MCPH1: variants seen among roughly 807,000 people sequenced by gnomAD.
MCPH1 encodes microcephalin 1.
MCPH1 carries 104 observed loss-of-function variants against 84.5 expected under a neutral mutation model. That is an observed-to-expected ratio of 1.23 (90% CI 1.05 to 1.45). The LOEUF (loss-of-function observed/expected upper bound fraction) is 1.45, where lower values mean the gene tolerates loss of function less well. MCPH1 is among the 40% of genes most tolerant of loss of function. The pLI is 0.00. For missense variants in MCPH1, 1,498 were observed against 1,005.7 expected, an observed-to-expected ratio of 1.49 and a Z score of -6.62; for synonymous variants, 514 against 366.8, an observed-to-expected ratio of 1.40 and a Z score of -4.58.
At chr8:6,505,347 TATTCTTTCTATATGTATATAGA>T in intron 12 of MCPH1, among the ~76,000 whole-genome samples, 2 of 69,312 alleles carry the variant, frequency 2.9e-5, no homozygotes, top group East Asian at 6.0e-4. Flanking sequence ...AGAATATATA[TATTCTTTCTATATGTATATAGA>T]ATATATATAT....
intron 12 of MCPH1, among the ~76,000 whole-genome samples, chr8:6,594,564 G>A (rs991193483): frequency 6.6e-6 from 1 of 152,242 alleles, no homozygotes; most frequent in South Asian, 2.1e-4. Context: ...ATGTTGCTGA[G>A]GGCGTCCTGG....
intron 12 of MCPH1, among the ~76,000 whole-genome samples, chr8:6,521,715 G>A (rs1960369): frequency 0.072 from 10,958 of 152,286 alleles, 485 homozygotes; most frequent in African/African-American, 0.12. Context: ...ATTAGATGCT[G>A]CAGCGCTCAG....
chr8:6,634,760 C>T (rs1379257729), intron 13 of MCPH1: 2 of 152,194 alleles, frequency 1.3e-5, no homozygotes, highest in Non-Finnish European at 2.9e-5. Context: ...GCTCATCCTC[C>T]AGCTGAAATT....
At chr8:6,626,579 A>C in intron 13 of MCPH1, 1 of 985,134 alleles carries the variant, frequency 1.0e-6, no homozygotes, top group Non-Finnish European at 1.2e-6. Context: ...CCTAGGAAAT[A>C]AAATGTTACC....
chr8:6,621,264 A>G lies in MCPH1; in HGVS notation c.2215-190A>G, dbSNP rs1175080409. Reference sequence around the variant, plus strand: ...AGTTTTACGCATGGCTACTTCAGAAAACGTCAGTTTTATGTCATTAATGTC... The same window carrying G: ...AGTTTTACGCATGGCTACTTCAGAAGACGTCAGTTTTATGTCATTAATGTC... On this transcript the variant is annotated intron_variant, in intron 12 of 13. Transcript: ENST00000344683. 7 of 694,542 alleles carry G rather than the reference A, an allele frequency of 1.0e-5. No homozygotes were observed. In the Admixed American group the frequency reaches 1.4e-4, roughly 14 times the overall value. 43.0% of individuals were successfully genotyped at this position (694,542 alleles called of 1,614,324 possible). A position where few individuals can be genotyped will look rare whatever the true frequency, so the allele number is the denominator to read the frequency against.
chr8:6,601,795 C>CCA (rs1829396891), intron 12 of MCPH1, among the ~76,000 whole-genome samples: 1 of 151,318 alleles, frequency 6.6e-6, no homozygotes, highest in African/African-American at 2.4e-5. Flanking sequence ...TATACCCACA[C>CCA]CACACACACA....
intron 12 of MCPH1, among the ~76,000 whole-genome samples, chr8:6,529,323 C>T (rs953480367): frequency 1.3e-5 from 2 of 152,154 alleles, no homozygotes; most frequent in Non-Finnish European, 2.9e-5. Context: ...AATCTTGCTT[C>T]TAATCAGAAA....
At chr8:6,569,684 T>C (rs2922840) in intron 12 of MCPH1, among the ~76,000 whole-genome samples, 25,475 of 152,230 alleles carry the variant, frequency 0.17, 3,838 homozygotes, top group African/African-American at 0.4. Flanking sequence ...CTGTCTTTTA[T>C]GTTAATGGTT....
intron 2 of MCPH1, among the ~76,000 whole-genome samples, chr8:6,413,500 A>G (rs577843249): frequency 6.6e-6 from 1 of 151,270 alleles, no homozygotes; most frequent in East Asian, 1.9e-4. Flanking sequence ...CATTTTGTGT[A>G]TTCCTGTATT....
intron 12 of MCPH1, chr8:6,521,285 T>C (rs768467311): frequency 3.1e-6 from 5 of 1,613,800 alleles, no homozygotes; most frequent in Non-Finnish European, 3.4e-6. Flanking sequence ...TATTTTTTTT[T>C]CTAGTTCTTC....
chr8:6,544,221 G>T (rs1312854540), intron 12 of MCPH1, among the ~76,000 whole-genome samples: 2 of 152,218 alleles, frequency 1.3e-5, no homozygotes, highest in African/African-American at 2.4e-5. Flanking sequence ...TGATAGTGAA[G>T]CTGGGACCTC....
chr8:6,488,889 G>T (rs1041954138), intron 11 of MCPH1, among the ~76,000 whole-genome samples: 1 of 152,042 alleles, frequency 6.6e-6, no homozygotes, highest in African/African-American at 2.4e-5. Flanking sequence ...TCTAGAGGGG[G>T]GGTTGATAGG....
chr8:6,582,107 G>A (rs1467843324), intron 12 of MCPH1, among the ~76,000 whole-genome samples: 1 of 152,178 alleles, frequency 6.6e-6, no homozygotes, highest in African/African-American at 2.4e-5. Flanking sequence ...GCTGTGGGAT[G>A]GGAAGCCTGT....
intron 9 of MCPH1, among the ~76,000 whole-genome samples, chr8:6,457,680 G>A (rs779447699): frequency 3.3e-5 from 5 of 152,104 alleles, no homozygotes; most frequent in African/African-American, 4.8e-5. Context: ...ACCCCAGTGC[G>A]GCACCCCGTC....
chr8:6,417,559 T>A (rs1372563484), intron 3 of MCPH1, among the ~76,000 whole-genome samples: 1 of 152,212 alleles, frequency 6.6e-6, no homozygotes, highest in Non-Finnish European at 1.5e-5. Context: ...TTCAAGTTCA[T>A]TGACTTTTTT....
At chr8:6,521,098 G>T in intron 12 of MCPH1, 1 of 1,114,180 alleles carries the variant, frequency 9.0e-7, no homozygotes, top group East Asian at 2.4e-5. Context: ...TTTTCTGAAA[G>T]GTGAGAATTT....
At chr8:6,523,183 G>C (rs1196551254) in intron 12 of MCPH1, among the ~76,000 whole-genome samples, 1 of 152,102 alleles carries the variant, frequency 6.6e-6, no homozygotes, top group African/African-American at 2.4e-5. Flanking sequence ...ATTTTTAGTA[G>C]AGATGGGCTT....
At chr8:6,581,092 G>T (rs1285744024) in intron 12 of MCPH1, among the ~76,000 whole-genome samples, 1 of 152,154 alleles carries the variant, frequency 6.6e-6, no homozygotes, top group Non-Finnish European at 1.5e-5. Flanking sequence ...ATGTGCCTAG[G>T]TTATATGCAA....
intron 8 of MCPH1, among the ~76,000 whole-genome samples, chr8:6,450,454 T>C (rs1804966919): frequency 6.6e-6 from 1 of 150,412 alleles, no homozygotes; most frequent in South Asian, 2.1e-4. Context: ...TGGTTTATTA[T>C]AGGGTCATTT....
Sources: allele counts gnomAD v4.1 joint callset (sites outside exome capture counted in the v4.1 genomes callset), GRCh38; gene constraint gnomAD v4.1.1; transcripts MANE v1.5; gene names NCBI Gene and HGNC (gene_info 2026-07-23, HGNC 2026-07-21).